Variants in BTAF1 observed in about 807,000 individuals in gnomAD.
BTAF1 encodes B-TFIID TATA-box binding protein associated factor 1.
In BTAF1, 38 loss-of-function variants were observed where a neutral mutation model predicts 227.1. The observed-to-expected ratio is 0.17, with a 90% CI of 0.13 to 0.22. BTAF1 has a LOEUF of 0.22. Ranked by LOEUF, BTAF1 falls within the 10% of genes least tolerant of loss-of-function variation. BTAF1 has a pLI of 1.00. For synonymous variants in BTAF1, 742 were observed against 751.9 expected (o/e 0.99, Z 0.21); for missense variants, 1,598 against 2,204.0 (o/e 0.73, Z 5.51).
intron 15 of BTAF1, 119 bp from the exon 16 acceptor site, chr10:91,981,524 T>C (rs1589868965): frequency 9.2e-7 from 1 of 1,083,562 alleles, no homozygotes; most frequent in East Asian, 2.6e-5. Flanking sequence ...ATATTGAATT[T>C]CTAAATTAAT....
intron 17 of BTAF1, 151 bp downstream of exon 17, chr10:91,982,376 A>G: frequency 9.1e-7 from 1 of 1,093,230 alleles, no homozygotes. Context: ...AGAGTAAGCA[A>G]ATACTTCTAA....
chr10:91,951,576 ACGTTTGGTT>A lies in BTAF1; in HGVS notation c.564+11_564+19del. ...TGTTAACAAACAACCTGTAGGTAAA[ACGTTTGGTT>A]ATTTGATTGCAAGTAATAATACAAA... On this transcript the variant is annotated intron_variant, in intron 5 of 37. Transcript: ENST00000265990. The A allele has an allele frequency of 6.4e-7, 1 of 1,570,600 alleles. No homozygotes were observed. Among genetic ancestry groups the A allele is most frequent in the Non-Finnish European group, 8.6e-7 (1 of 1,164,142 alleles).
rs761509295 is a variant in BTAF1 at position 92,018,798 on chromosome 10, C to T, written c.4726C>T (p.Arg1576Cys). ...CCTCTTGAAGGCATTACAGTACTTACGTAAACTGTGCAACCATCCAGCATT... is the reference window on the plus strand; with the variant it reads ...CCTCTTGAAGGCATTACAGTACTTATGTAAACTGTGCAACCATCCAGCATT... The part of the protein sequence containing the change: ...GHVFQALQYL[R>C]KLCNHPALVL... Residue 1576 changes from arginine (R) to cysteine (C), a missense_variant, in exon 34 of 38, where the codon CGT becomes TGT. This residue lies in a region of BTAF1 where 205 missense variants were observed against 244.5 expected (regional missense o/e 0.84). Coordinates refer to ENST00000265990, the MANE Select transcript of BTAF1 (RefSeq NM_003972.3). The T allele has an allele frequency of 2.5e-6, 4 of 1,578,940 alleles. No individual in the cohort carries two copies. The highest frequency in any genetic ancestry group is 2.6e-6 in the Non-Finnish European group (3 of 1,167,224).
intron 25 of BTAF1, among the ~76,000 whole-genome samples, chr10:92,003,364 T>G (rs1022986337): frequency 5.3e-5 from 8 of 152,290 alleles, no homozygotes; most frequent in African/African-American, 1.7e-4. Flanking sequence ...TATGTAAACT[T>G]TGTACCCTTT....
Position 91,962,637 on chromosome 10 carries a change from G to A in BTAF1, c.1363G>A (p.Val455Met). 2 of 1,609,960 alleles carry A rather than the reference G, an allele frequency of 1.2e-6. No individual in the cohort carries two copies. Among genetic ancestry groups the A allele is most frequent in the Non-Finnish European group, 1.7e-6 (2 of 1,178,364 alleles). Residue 455 changes from valine to methionine, a missense_variant, in exon 12 of 38, where the codon GTG (valine) becomes ATG (methionine). Transcript: ENST00000265990. ...DVRAVAAASLVPVVESLVYLQ... is the reference protein window; with the variant it reads ...DVRAVAAASLMPVVESLVYLQ... ...CAGAGCTGTTGCTGCAGCATCATTAGTGCCTGTAGTAGAAAGCCTTGTCTA... is the reference window on the plus strand; with the variant it reads ...CAGAGCTGTTGCTGCAGCATCATTAATGCCTGTAGTAGAAAGCCTTGTCTA...
rs1851730294 is a variant in BTAF1, at chr10:92,029,182, C to A, written c.*249C>A. ...GCTGAAAAGCTGCAGAGCAGAGGAA[C>A]CAAACCAGGTTTATTTGTGCTACCA... is the stretch of plus-strand genomic sequence containing the variant. On this transcript the variant is annotated 3_prime_UTR_variant, in exon 38 of 38. Transcript: ENST00000265990. 1 of 322,236 alleles carries A rather than the reference C, an allele frequency of 3.1e-6. No individual in the cohort carries two copies. The highest frequency in any genetic ancestry group is 5.5e-6 in the Non-Finnish European group (1 of 181,812). The allele number at this position is 322,236 out of a possible 1,614,324, so 20.0% of individuals were successfully genotyped here. A position where few individuals can be genotyped will look rare whatever the true frequency, so the allele number is the denominator to read the frequency against.
At chr10:91,928,096 A>G (rs530426395) in intron 1 of BTAF1, among the ~76,000 whole-genome samples, 2 of 138,014 alleles carry the variant, frequency 1.4e-5, no homozygotes, top group South Asian at 2.7e-4. Flanking sequence ...GCTATCTCCT[A>G]TAGGAAGGCA....
chr10:92,011,211 C>T, intron 29 of BTAF1, 61 bp downstream of exon 29: 1 of 1,514,310 alleles, frequency 6.6e-7, no homozygotes, highest in Non-Finnish European at 8.9e-7. Flanking sequence ...TTAATATTTT[C>T]CCACTTTAAA....
Position 91,939,914 on chromosome 10 carries a change from A to G in BTAF1, c.139-38A>G, listed in dbSNP as rs375173675. On this transcript the variant is annotated intron_variant, in intron 2 of 37. Transcript: ENST00000265990. ...GTTCTGGCTACCTTGCGCAAACAAT[A>G]TTTTTGTATACGTAACTTTTATTTT... The G allele has an allele frequency of 7.3e-5, 103 of 1,419,880 alleles. No individual in the cohort carries two copies. In the South Asian group the frequency reaches 9.3e-4, roughly 13 times the overall value. 88.0% of individuals were successfully genotyped at this position (1,419,880 alleles called of 1,614,324 possible). A position where few individuals can be genotyped will look rare whatever the true frequency, so the allele number is the denominator to read the frequency against.
In BTAF1 at chr10:91,960,149, C is replaced by A. The variant is rs1419117610; in HGVS notation, c.1258C>A (p.Arg420Ser). Residue 420 changes from arginine to serine, a missense_variant, in exon 11 of 38, where the codon CGT (arginine) becomes AGT (serine). Transcript: ENST00000265990. ...GGGAATAAAATATGCTTTGGCAGTCCGTCAGGTAAATATTTCAAGTTTTGA... is the reference window on the plus strand; with the variant it reads ...GGGAATAAAATATGCTTTGGCAGTCAGTCAGGTAAATATTTCAAGTTTTGA... ...LLGIKYALAV[R>S]QDVINTLLPK... is the part of the protein sequence containing the mutation. The A allele has an allele frequency of 1.2e-6, 2 of 1,610,678 alleles. No homozygotes were observed. Among genetic ancestry groups the A allele is most frequent in the Non-Finnish European group, 1.7e-6 (2 of 1,178,620 alleles).
intron 1 of BTAF1, among the ~76,000 whole-genome samples, chr10:91,929,781 CT>C (rs1490972144): frequency 6.6e-6 from 1 of 151,868 alleles, no homozygotes; most frequent in African/African-American, 2.4e-5. Flanking sequence ...GTCTTAAACT[CT>C]TGCCTCAAGC....
chr10:92,009,368 G>C (rs1393791521), intron 28 of BTAF1, among the ~76,000 whole-genome samples, 160 bp downstream of exon 28: 1 of 152,226 alleles, frequency 6.6e-6, no homozygotes, highest in African/African-American at 2.4e-5. Flanking sequence ...GATATAATCA[G>C]TGAGGCTCAT....
At chr10:92,028,664 C>A in intron 37 of BTAF1, 126 bp from the exon 38 acceptor site, 1 of 878,354 alleles carries the variant, frequency 1.1e-6, no homozygotes. Context: ...TGAATTTCCC[C>A]ATCACTTGAA....
chr10:91,941,865 T>C (rs1167464074), intron 3 of BTAF1, among the ~76,000 whole-genome samples: 1 of 152,260 alleles, frequency 6.6e-6, no homozygotes, highest in East Asian at 1.9e-4. Context: ...GTTACACATA[T>C]ACTCACTAAC....
At chr10:91,940,112 A>G in intron 3 of BTAF1, 46 bp downstream of exon 3, 1 of 1,226,620 alleles carries the variant, frequency 8.2e-7, no homozygotes, top group East Asian at 2.4e-5. Context: ...ACCTAACTGT[A>G]GAATTAATTA....
rs181996562 is a variant in BTAF1, at chr10:92,005,061, T to C, written c.3661-3062T>C. Among the ~76,000 whole-genome samples the C allele has an allele frequency of 2.0e-5, 3 of 152,342 alleles. No homozygotes were observed. In the East Asian group the frequency reaches 5.8e-4, roughly 29 times the overall value. On this transcript the variant is annotated intron_variant, in intron 25 of 37. Transcript: ENST00000265990. Reference sequence around the variant, plus strand: ...ATTAACTGTAAATGCATGCATTTATTTCTAGGCTCTCTAGTCTGTTCCATT... The same window carrying C: ...ATTAACTGTAAATGCATGCATTTATCTCTAGGCTCTCTAGTCTGTTCCATT...
intron 14 of BTAF1, among the ~76,000 whole-genome samples, chr10:91,977,233 T>C (rs1333477511): frequency 6.6e-6 from 1 of 152,184 alleles, no homozygotes; most frequent in Non-Finnish European, 1.5e-5. Context: ...TATTTCTGTT[T>C]GTCATCAACT....
chr10:91,991,830 T>C (rs1270352160), intron 20 of BTAF1, among the ~76,000 whole-genome samples: 18 of 129,822 alleles, frequency 1.4e-4, no homozygotes, highest in Middle Eastern at 3.8e-3. Flanking sequence ...TATATATATA[T>C]ATACACACAT....
rs1851727879 is a variant in BTAF1, at chr10:92,029,136, G to GA, written c.*206dup. On this transcript the variant is annotated 3_prime_UTR_variant, in exon 38 of 38. Coordinates refer to ENST00000265990, the MANE Select transcript of BTAF1 (RefSeq NM_003972.3). Reference sequence around the variant, plus strand: ...CTGTATTAAATTTAAATGTTAATGTGAAATGGTTTAAATTTTACATGCTGA... The same window carrying GA: ...CTGTATTAAATTTAAATGTTAATGTGAAAATGGTTTAAATTTTACATGCTGA... 1 of 472,940 alleles carries GA rather than the reference G, an allele frequency of 2.1e-6. No homozygotes were observed. Among genetic ancestry groups the GA allele is most frequent in the Non-Finnish European group, 3.5e-6 (1 of 286,678 alleles). The allele number at this position is 472,940 out of a possible 1,614,324, so 29.3% of individuals were successfully genotyped here. A position where few individuals can be genotyped will look rare whatever the true frequency, so the allele number is the denominator to read the frequency against.
Sources: allele counts gnomAD v4.1 joint callset (sites outside exome capture counted in the v4.1 genomes callset), GRCh38; gene constraint gnomAD v4.1.1; regional missense constraint gnomAD v4.1.1; transcripts MANE v1.5; gene names NCBI Gene and HGNC (gene_info 2026-07-23, HGNC 2026-07-21).